The following PPP6R1 variants were observed in gnomAD, a reference collection of about 807,000 sequenced individuals.
PPP6R1 encodes the protein protein phosphatase 6 regulatory subunit 1, also known as serine/threonine-protein phosphatase 6 regulatory subunit 1.
A neutral mutation model predicts 104.6 loss-of-function variants in PPP6R1; 39 were observed. The ratio of observed to expected loss-of-function variants is 0.37; its 90% CI spans 0.29 to 0.49. PPP6R1 has a LOEUF of 0.49. Ranked by LOEUF, PPP6R1 falls within the 20% of genes least tolerant of loss-of-function variation. PPP6R1 has a pLI of 0.98. For synonymous variants in PPP6R1, 549 were observed against 479.0 expected, an observed-to-expected ratio of 1.15 and a Z score of -1.91; for missense variants, 1,181 against 1,155.8, an observed-to-expected ratio of 1.02 and a Z score of -0.32.
intron 15 of PPP6R1, 142 bp from the exon 16 acceptor site, chr19:55,237,112 C>A: frequency 1.2e-6 from 1 of 847,434 alleles, no homozygotes. Flanking sequence ...ACACACAACC[C>A]GAACCACTGG....
chr19:55,243,575 G>A (rs1439379711), intron 5 of PPP6R1, among the ~76,000 whole-genome samples: 1 of 152,032 alleles, frequency 6.6e-6, no homozygotes, highest in African/African-American at 2.4e-5. Flanking sequence ...AGAGGCAGGA[G>A]GATTGCTTGA....
intron 1 of PPP6R1, among the ~76,000 whole-genome samples, chr19:55,248,057 C>CA (rs2087525073): frequency 1.3e-5 from 2 of 152,234 alleles, no homozygotes; most frequent in South Asian, 4.1e-4. Context: ...GAAACACACA[C>CA]AGAGTATTAA....
At chr19:55,240,661 T>TCA (rs200994293) in intron 10 of PPP6R1, among the ~76,000 whole-genome samples, 7,475 of 151,554 alleles carry the variant, frequency 0.049, 510 homozygotes, top group African/African-American at 0.16. Flanking sequence ...TGACACATGC[T>TCA]CACACACGCA....
In PPP6R1 at chr19:55,245,013, C is replaced by A; in HGVS notation, c.618+107G>T. ...TCGCCCTCCCAAAGTGCTGGAATTA[C>A]AGGCGTGAGCCACTGCGTCCAGCCC... On this transcript the variant is annotated intron_variant, in intron 5 of 23. Transcript: ENST00000412770. The surrounding 1 kb of genome is among the most constrained non-coding windows in gnomAD (Gnocchi z 6.4). The A allele has an allele frequency of 6.8e-7, 1 of 1,481,070 alleles. No homozygotes were observed. The highest frequency in any genetic ancestry group is 9.2e-7 in the Non-Finnish European group (1 of 1,088,496). 91.7% of individuals were successfully genotyped at this position (1,481,070 alleles called of 1,614,324 possible). A position where few individuals can be genotyped will look rare whatever the true frequency, so the allele number is the denominator to read the frequency against.
Position 55,241,549 on chromosome 19 carries a change from G to A in PPP6R1, c.936C>T (p.Ser312=), listed in dbSNP as rs1427779642. The change falls in exon 8 of 24, where the codon TCC becomes TCT. Residue 312 remains serine (S), a synonymous_variant. Transcript: ENST00000412770. The surrounding 1 kb of genome is among the most constrained non-coding windows in gnomAD (Gnocchi z 5.4). ...GTAGGGCGTGCAAGGCGCCCACACT[G>A]GACACAGTGCTTTCCAGGGCCCCCT... The part of the protein sequence containing the change: ...LAQGALESTV[S]SVGALHALRP... 8 of 1,580,194 alleles carry A rather than the reference G, an allele frequency of 5.1e-6. No individual in the cohort carries two copies. Among genetic ancestry groups the A allele is most frequent in the Admixed American group, 3.7e-5 (2 of 54,724 alleles).
At chr19:55,232,003 C>A (rs183474194) in intron 18 of PPP6R1, 21 bp from the exon 19 acceptor site, 2 of 1,604,022 alleles carry the variant, frequency 1.2e-6, no homozygotes, top group East Asian at 2.2e-5. Context: ...GGTGGGGGAG[C>A]GGGATGGAGG....
At chr19:55,231,251 TAC>T (rs1027943714) in intron 21 of PPP6R1, among the ~76,000 whole-genome samples, 157 bp downstream of exon 21, 6 of 152,108 alleles carry the variant, frequency 3.9e-5, no homozygotes, top group Non-Finnish European at 7.4e-5. Context: ...AGAACCAGCC[TAC>T]AGAGTGCAAG....
In PPP6R1 at chr19:55,237,554, C is replaced by A. The variant is rs138823133; in HGVS notation, c.1752-584G>T. On this transcript the variant is annotated intron_variant, in intron 15 of 23. Coordinates refer to ENST00000412770, the MANE Select transcript of PPP6R1 (RefSeq NM_014931.4). ...GGTCCACATTCTGTCCCACGTGTTA[C>A]GGACAGTTCAAGGGATCATTTGTCT... Among the ~76,000 whole-genome samples, 15 of 152,256 alleles carry A rather than the reference C, an allele frequency of 9.9e-5. 1 individual carries two copies. The highest frequency in any genetic ancestry group is 3.1e-4 in the African/African-American group (13 of 41,548).
intron 5 of PPP6R1, among the ~76,000 whole-genome samples, chr19:55,244,332 GC>G (rs1229405947): frequency 6.6e-6 from 1 of 152,250 alleles, no homozygotes; most frequent in Admixed American, 6.5e-5. Flanking sequence ...TAGGCCCTGT[GC>G]TGGGCACCAG....
rs1013167643 is a variant in PPP6R1 at position 55,258,514 on chromosome 19, C to A, written c.-86G>T. 1 of 150,056 alleles carries A rather than the reference C, an allele frequency of 6.7e-6. No individual in the cohort carries two copies. Among genetic ancestry groups the A allele is most frequent in the South Asian group, 2.1e-4 (1 of 4,820 alleles). 9.3% of individuals were successfully genotyped at this position (150,056 alleles called of 1,614,324 possible). ...CCGCCCCGCCGCCGGCGGCTCCGGCCCCTGCTGCGGGGCCCGGTGAGTGGG... is the reference window on the plus strand; with the variant it reads ...CCGCCCCGCCGCCGGCGGCTCCGGCACCTGCTGCGGGGCCCGGTGAGTGGG... On this transcript the variant is annotated 5_prime_UTR_variant, in exon 1 of 24. Coordinates refer to ENST00000412770, the MANE Select transcript of PPP6R1 (RefSeq NM_014931.4).
chr19:55,241,103 A>C lies in PPP6R1; in HGVS notation c.1162-24T>G. ...TCCTATGGGAGGACACAGGATTGGT[A>C]CCAGAGAGGCCCCGCCCCAGCCGAG... is the stretch of plus-strand genomic sequence containing the variant. On this transcript the variant is annotated intron_variant, in intron 9 of 23. Coordinates refer to ENST00000412770, the MANE Select transcript of PPP6R1 (RefSeq NM_014931.4). The surrounding 1 kb of genome is among the most constrained non-coding windows in gnomAD (Gnocchi z 5.4). The C allele has an allele frequency of 2.6e-6, 4 of 1,547,198 alleles. No homozygotes were observed. Among genetic ancestry groups the C allele is most frequent in the Non-Finnish European group, 2.6e-6 (3 of 1,146,130 alleles).
intron 1 of PPP6R1, among the ~76,000 whole-genome samples, chr19:55,250,914 C>T (rs2087548258): frequency 6.6e-6 from 1 of 152,216 alleles, no homozygotes; most frequent in Non-Finnish European, 1.5e-5. Flanking sequence ...ATCAGAACCG[C>T]CCTCTCATCG....
rs2087513933 is a variant in PPP6R1, at chr19:55,246,927, G to C, written c.177C>G (p.Ala59=). ...LQPPHLQAMV[A]WVTQEPPDSG... is the part of the protein sequence containing the mutation. ...TATCTGGCGGCTCCTGGGTGACCCAGGCCACCATTGCTTGCAGGTGGGGTG... is the reference window on the plus strand; with the variant it reads ...TATCTGGCGGCTCCTGGGTGACCCACGCCACCATTGCTTGCAGGTGGGGTG... The change falls in exon 2 of 24, where the codon GCC becomes GCG. Residue 59 remains alanine (A), a synonymous_variant. Coordinates refer to ENST00000412770, the MANE Select transcript of PPP6R1 (RefSeq NM_014931.4). The C allele has an allele frequency of 1.2e-6, 2 of 1,613,452 alleles. No individual in the cohort carries two copies. Among genetic ancestry groups the C allele is most frequent in the African/African-American group, 1.3e-5 (1 of 74,924 alleles).
intron 19 of PPP6R1, 48 bp from the exon 20 acceptor site, chr19:55,231,716 C>T (rs558617183): frequency 1.1e-5 from 17 of 1,529,852 alleles, no homozygotes; most frequent in South Asian, 1.3e-5. Flanking sequence ...GGTTAGCACT[C>T]GAGCCTATGA....
chr19:55,228,762 G>C, downstream of PPP6R1: 1 of 1,612,348 alleles, frequency 6.2e-7, no homozygotes, highest in Non-Finnish European at 8.5e-7. Flanking sequence ...TAGCCCCAGA[G>C]CGACCTAATC....
chr19:55,251,540 T>C (rs956384376), intron 1 of PPP6R1, among the ~76,000 whole-genome samples: 2 of 151,872 alleles, frequency 1.3e-5, no homozygotes, highest in Admixed American at 6.5e-5. Context: ...TATTTTCCCC[T>C]GTGTCAAGAG....
intron 5 of PPP6R1, among the ~76,000 whole-genome samples, chr19:55,244,504 C>G (rs1037768888): frequency 3.9e-5 from 6 of 152,316 alleles, no homozygotes; most frequent in Admixed American, 3.9e-4. Context: ...AGCTGCCAGG[C>G]CCAGCAATAG....
intron 1 of PPP6R1, among the ~76,000 whole-genome samples, chr19:55,251,589 T>C (rs2087553796): frequency 6.6e-6 from 1 of 152,136 alleles, no homozygotes; most frequent in Non-Finnish European, 1.5e-5. Context: ...AATACAACTG[T>C]TTCCCTTCCT....
At chr19:55,235,841 T>G in intron 17 of PPP6R1, among the ~76,000 whole-genome samples, 1 of 129,400 alleles carries the variant, frequency 7.7e-6, no homozygotes, top group African/African-American at 2.9e-5. Context: ...TTGTTGATTC[T>G]TTTTTTTTTT....
Sources: allele counts gnomAD v4.1 joint callset (sites outside exome capture counted in the v4.1 genomes callset), GRCh38; gene constraint gnomAD v4.1.1; non-coding constraint Gnocchi (gnomAD v3.1); transcripts MANE v1.5; gene names NCBI Gene and HGNC (gene_info 2026-07-23, HGNC 2026-07-21).